Variants in AGBL4 observed in about 807,000 individuals in gnomAD.
AGBL4 encodes the protein cytosolic carboxypeptidase 6.
Under a neutral mutation model 66.4 loss-of-function variants are expected in AGBL4, and 58 were observed. The observed-to-expected ratio is 0.87, with a 90% CI of 0.71 to 1.09. AGBL4 has a LOEUF of 1.09. Ranked by LOEUF, AGBL4 falls within the 50% of genes least tolerant of loss-of-function variation. AGBL4 has a pLI of 0.00. For synonymous variants in AGBL4, 234 were observed against 222.9 expected (o/e 1.05, Z -0.44); for missense variants, 579 against 631.0 (o/e 0.92, Z 0.88).
chr1:48,640,882 C>T (rs1278157158), intron 8 of AGBL4, among the ~76,000 whole-genome samples: 1 of 152,122 alleles, frequency 6.6e-6, no homozygotes, highest in African/African-American at 2.4e-5. Flanking sequence ...CATGCCTTAT[C>T]GCTATTCGCA....
chr1:49,867,331 T>TCA (rs1646727037), intron 1 of AGBL4, among the ~76,000 whole-genome samples: 1 of 148,108 alleles, frequency 6.8e-6, no homozygotes, highest in Non-Finnish European at 1.5e-5. Context: ...ATATATATAT[T>TCA]TATATATATA....
At chr1:48,826,566 A>G (rs1038201629) in intron 6 of AGBL4, among the ~76,000 whole-genome samples, 1 of 152,230 alleles carries the variant, frequency 6.6e-6, no homozygotes, top group African/African-American at 2.4e-5. Context: ...CTTCAGGTTA[A>G]GAAAATTTGG....
chr1:49,654,675 T>C (rs1558136111), intron 3 of AGBL4, among the ~76,000 whole-genome samples: 1 of 152,240 alleles, frequency 6.6e-6, no homozygotes, highest in African/African-American at 2.4e-5. Context: ...TATCATTATA[T>C]AATGGCCTTC....
At chr1:49,834,560 G>A (rs1046016012) in intron 2 of AGBL4, among the ~76,000 whole-genome samples, 4 of 151,978 alleles carry the variant, frequency 2.6e-5, no homozygotes, top group Non-Finnish European at 5.9e-5. Context: ...AGGGTTTTTT[G>A]TGTCTTGATC....
intron 5 of AGBL4, among the ~76,000 whole-genome samples, chr1:49,006,173 C>A (rs947715388): frequency 6.6e-6 from 1 of 152,064 alleles, no homozygotes; most frequent in African/African-American, 2.4e-5. Flanking sequence ...GTGCGTGCAC[C>A]GTGCGCGAGC....
chr1:48,998,304 C>T (rs919509373), intron 5 of AGBL4, among the ~76,000 whole-genome samples: 19 of 152,232 alleles, frequency 1.2e-4, no homozygotes, highest in Middle Eastern at 3.4e-3. Flanking sequence ...TTTTTTGAAA[C>T]ATGCCACAAA....
intron 5 of AGBL4, among the ~76,000 whole-genome samples, chr1:48,991,233 A>G (rs1051726750): frequency 1.3e-5 from 2 of 152,180 alleles, no homozygotes; most frequent in African/African-American, 4.8e-5. Context: ...TTTTTGCTGA[A>G]TGTACTACTA....
chr1:49,208,173 A>G lies in AGBL4; in HGVS notation c.377+37597T>C, dbSNP rs139821690. 4.6e-3 allele frequency among the ~76,000 whole-genome samples: 707 copies of G among 152,200 alleles called. 6 individuals carry two copies. Among genetic ancestry groups the G allele is most frequent in the African/African-American group, 0.017 (686 of 41,570 alleles). On this transcript the variant is annotated intron_variant, in intron 4 of 13. Coordinates refer to ENST00000371839, the MANE Select transcript of AGBL4 (RefSeq NM_032785.4). ...GATGAGGAAACTGAGAACTGAGGCT[A>G]GGAGAGGTTTGGTATTTTGCCCCAA...
intron 3 of AGBL4, among the ~76,000 whole-genome samples, chr1:49,623,483 C>T (rs929704809): frequency 1.3e-5 from 2 of 152,160 alleles, no homozygotes; most frequent in Non-Finnish European, 2.9e-5. Context: ...AATTTAACTA[C>T]CCTTTTATCT....
intron 6 of AGBL4, among the ~76,000 whole-genome samples, chr1:48,754,652 C>T (rs1652259128): frequency 6.6e-6 from 1 of 152,114 alleles, no homozygotes; most frequent in Admixed American, 6.6e-5. Flanking sequence ...TTTACATATG[C>T]AAATTACATA....
In AGBL4 at chr1:49,367,880, C is replaced by T. The variant is rs541715034; in HGVS notation, c.283-122016G>A. Among the ~76,000 whole-genome samples, 27 of 152,214 alleles carry T rather than the reference C, an allele frequency of 1.8e-4. 2 individuals are homozygous for T. The South Asian group carries it at 5.6e-3, about 32-fold the overall frequency. ...TAGTTCCAGAACATATTAATCATCC[C>T]AAAAGTAGAACCCATCTACATTAAG... On this transcript the variant is annotated intron_variant, in intron 3 of 13. Coordinates refer to ENST00000371839, the MANE Select transcript of AGBL4 (RefSeq NM_032785.4).
chr1:49,965,066 G>A lies in AGBL4; in HGVS notation c.34+58697C>T, dbSNP rs149552401. ...GTGAGTACATATTGTATCCATGATT[G>A]GGCAAGTTACTTAACCTCTTTATGC... On this transcript the variant is annotated intron_variant, in intron 1 of 13. Transcript: ENST00000371839. Among the ~76,000 whole-genome samples the A allele has an allele frequency of 5.3e-5, 8 of 152,236 alleles. No individual in the cohort carries two copies. The East Asian group carries it at 1.5e-3, about 29-fold the overall frequency.
At chr1:49,299,916 A>G (rs1168579494) in intron 3 of AGBL4, among the ~76,000 whole-genome samples, 1 of 151,884 alleles carries the variant, frequency 6.6e-6, no homozygotes, top group Non-Finnish European at 1.5e-5. Context: ...ACTCTCATTA[A>G]TTTTTTAATG....
chr1:49,947,080 A>G (rs1409526170), intron 1 of AGBL4, among the ~76,000 whole-genome samples: 1 of 151,856 alleles, frequency 6.6e-6, no homozygotes, highest in Non-Finnish European at 1.5e-5. Context: ...AAAGTTCAAG[A>G]CCAGACGGAT....
At chr1:49,262,910 G>A (rs1653347175) in intron 3 of AGBL4, among the ~76,000 whole-genome samples, 1 of 152,134 alleles carries the variant, frequency 6.6e-6, no homozygotes. Flanking sequence ...CAACCCAAAT[G>A]TCCAACAATG....
At chr1:48,909,879 A>C (rs972041243) in intron 5 of AGBL4, among the ~76,000 whole-genome samples, 1 of 152,204 alleles carries the variant, frequency 6.6e-6, no homozygotes, top group East Asian at 1.9e-4. Context: ...TATGTTTCCT[A>C]TACATAATTT....
Position 49,281,033 on chromosome 1 carries a change from G to T in AGBL4, c.283-35169C>A, listed in dbSNP as rs374114609. Among the ~76,000 whole-genome samples, 164 of 152,250 alleles carry T rather than the reference G, an allele frequency of 1.1e-3. 1 individual carries two copies. Among genetic ancestry groups the T allele is most frequent in the African/African-American group, 3.8e-3 (158 of 41,560 alleles). ...AATTTGTTGAACACTAAGTTCCAAA[G>T]AAATAATTAGGCACTTTTACATTGC... On this transcript the variant is annotated intron_variant, in intron 3 of 13. Transcript: ENST00000371839.
intron 6 of AGBL4, among the ~76,000 whole-genome samples, chr1:48,664,870 T>C (rs535209123): frequency 1.3e-5 from 2 of 152,162 alleles, no homozygotes; most frequent in African/African-American, 4.8e-5. Flanking sequence ...CTGAAGGAAA[T>C]TTAGAAAGAA....
intron 4 of AGBL4, among the ~76,000 whole-genome samples, chr1:49,205,502 C>G (rs544008035): frequency 6.6e-6 from 1 of 152,040 alleles, no homozygotes; most frequent in African/African-American, 2.4e-5. Context: ...CTCCATCCTA[C>G]CCCTGGACCC....
Sources: gnomAD v4.1 joint callset for allele counts (sites outside exome capture counted in the v4.1 genomes callset) on GRCh38, gnomAD v4.1.1 for gene constraint, MANE v1.5 for transcripts, NCBI Gene and HGNC (gene_info 2026-07-23, HGNC 2026-07-21) for gene names.